Variants in ELP2 observed in about 807,000 individuals in gnomAD.
The protein encoded by ELP2 is elongator acetyltransferase complex subunit 2.
A neutral mutation model predicts 119.2 loss-of-function variants in ELP2; 90 were observed. The observed-to-expected ratio is 0.75, with a 90% confidence interval of 0.64 to 0.90. ELP2 has a LOEUF of 0.90. ELP2 is among the 40% of genes least tolerant of loss of function. The pLI, the probability that ELP2 is intolerant of heterozygous loss-of-function variation, is 0.00. For synonymous variants in ELP2, 339 were observed against 331.0 expected, an observed-to-expected ratio of 1.02 and a Z score of -0.26; for missense variants, 921 against 967.8, an observed-to-expected ratio of 0.95 and a Z score of 0.64.
At chr18:36,156,226 A>G (rs1454150954) in intron 12 of ELP2, among the ~76,000 whole-genome samples, 1 of 152,194 alleles carries the variant, frequency 6.6e-6, no homozygotes, top group African/African-American at 2.4e-5. Context: ...AAATAAATAG[A>G]GTTGAGAACA....
intron 13 of ELP2, among the ~76,000 whole-genome samples, chr18:36,157,313 A>C (rs2090603387): frequency 6.6e-6 from 1 of 152,196 alleles, no homozygotes; most frequent in East Asian, 1.9e-4. Context: ...ACAGTCCTTC[A>C]CTTAGAGTTG....
intron 6 of ELP2, 27 bp from the exon 7 acceptor site, chr18:36,142,254 C>G (rs948342546): frequency 1.3e-6 from 2 of 1,595,988 alleles, no homozygotes; most frequent in Non-Finnish European, 1.7e-6. Context: ...ATTCTTACAT[C>G]AAGCCCAATG....
intron 11 of ELP2, 106 bp from the exon 12 acceptor site, chr18:36,154,744 C>A: frequency 7.9e-7 from 1 of 1,267,502 alleles, no homozygotes; most frequent in Non-Finnish European, 1.1e-6. Context: ...CTTAGCTTTT[C>A]ACCTTGCCAG....
rs1278378176 is a variant in ELP2 at position 36,146,363 on chromosome 18, A to G, written c.1107A>G (p.Lys369=). The change falls in exon 11 of 22, where the codon AAA becomes AAG. Residue 369 remains lysine, a synonymous_variant. Transcript: ENST00000358232. ...TCCACGGAGCGTTGCACCTTTGGAA[A>G]CAGAATACAGTTAACCCAGTAAGAA... ...HAFHGALHLW[K]QNTVNPREWT... The G allele has an allele frequency of 6.2e-7, 1 of 1,614,106 alleles. No individual in the cohort carries two copies. Among genetic ancestry groups the G allele is most frequent in the Middle Eastern group, 1.7e-4 (1 of 6,060 alleles).
intron 1 of ELP2, among the ~76,000 whole-genome samples, chr18:36,132,367 G>A (rs1427396289): frequency 6.6e-6 from 1 of 152,184 alleles, no homozygotes; most frequent in East Asian, 1.9e-4. Flanking sequence ...TCTCAGTCTA[G>A]TGGGAGAGAC....
intron 4 of ELP2, 50 bp downstream of exon 4, chr18:36,138,476 A>G: frequency 6.3e-7 from 1 of 1,576,946 alleles, no homozygotes; most frequent in South Asian, 1.1e-5. Context: ...TATTTAACAA[A>G]TGAATGACGA....
In ELP2 at chr18:36,140,208, C is replaced by A. The variant is rs1434552639; in HGVS notation, c.524-929C>A. 2.0e-5 allele frequency among the ~76,000 whole-genome samples: 3 copies of A among 152,290 alleles called. No homozygotes were observed. The East Asian group carries it at 5.8e-4, about 29-fold the overall frequency. ...TGACACAGGGTCTCATTCTGTTGCC[C>A]AGGCTGGAGTGCAGTGGCGCCATCA... On this transcript the variant is annotated intron_variant, in intron 5 of 21. Transcript: ENST00000358232.
At position 36,174,721 on chromosome 18, in the gene ELP2, C is replaced by T. The variant is rs1378751214; in HGVS notation, c.*80C>T. 1.4e-6 allele frequency: 2 copies of T among 1,390,676 alleles called. No homozygotes were observed. The highest frequency in any genetic ancestry group is 2.0e-6 in the Non-Finnish European group (2 of 1,001,254). 86.1% of individuals were successfully genotyped at this position (1,390,676 alleles called of 1,614,324 possible). A position where few individuals can be genotyped will look rare whatever the true frequency, so the allele number is the denominator to read the frequency against. Reference sequence around the variant, plus strand: ...AAACAGGTCATCTTTACCTTCATAACTGAATTGAGTTTCTGGGTTTTTTTT... The same window carrying T: ...AAACAGGTCATCTTTACCTTCATAATTGAATTGAGTTTCTGGGTTTTTTTT... On this transcript the variant is annotated 3_prime_UTR_variant, in exon 22 of 22. Coordinates refer to ENST00000358232, the MANE Select transcript of ELP2 (RefSeq NM_018255.4).
At chr18:36,139,716 T>C (rs1598746803) in intron 5 of ELP2, 2 of 1,047,608 alleles carry the variant, frequency 1.9e-6, no homozygotes, top group African/African-American at 3.2e-5. Flanking sequence ...GGCATGTCCT[T>C]AGAAAAAGTC....
chr18:36,150,041 A>T lies in ELP2; in HGVS notation c.1125+3660A>T, dbSNP rs1260774229. Among the ~76,000 whole-genome samples the T allele has an allele frequency of 3.3e-5, 5 of 152,130 alleles. No homozygotes were observed. The East Asian group carries it at 9.7e-4, about 29-fold the overall frequency. On this transcript the variant is annotated intron_variant, in intron 11 of 21. Transcript: ENST00000358232. Reference sequence around the variant, plus strand: ...GTTGAGCATTTTCATCTTTCATTTGATAAGCAAAACCTACTACACAGTCAG... The same window carrying T: ...GTTGAGCATTTTCATCTTTCATTTGTTAAGCAAAACCTACTACACAGTCAG...
intron 21 of ELP2, among the ~76,000 whole-genome samples, chr18:36,174,086 A>G: frequency 6.6e-6 from 1 of 152,216 alleles, no homozygotes; most frequent in Non-Finnish European, 1.5e-5. Flanking sequence ...ATAGTAAAAT[A>G]ATCTAGAATA....
intron 21 of ELP2, among the ~76,000 whole-genome samples, chr18:36,172,795 G>A (rs548697437): frequency 1.1e-3 from 161 of 152,314 alleles, no homozygotes; most frequent in Middle Eastern, 6.8e-3. Context: ...AAGGGAACAC[G>A]TATAGAATTT....
intron 11 of ELP2, among the ~76,000 whole-genome samples, chr18:36,149,488 G>GTTTTTTTTT (rs71166097): frequency 1.6e-5 from 2 of 125,076 alleles, no homozygotes; most frequent in African/African-American, 2.9e-5. Flanking sequence ...GTTTTGTTTT[G>GTTTTTTTTT]TTTTTTTTTT....
intron 19 of ELP2, among the ~76,000 whole-genome samples, chr18:36,168,691 G>A (rs1297810010): frequency 6.6e-6 from 1 of 152,114 alleles, no homozygotes; most frequent in Non-Finnish European, 1.5e-5. Context: ...TACAATTCAA[G>A]ATGAGATTTG....
At chr18:36,131,678 C>T (rs1484009174) in intron 1 of ELP2, among the ~76,000 whole-genome samples, 1 of 152,184 alleles carries the variant, frequency 6.6e-6, no homozygotes, top group Non-Finnish European at 1.5e-5. Context: ...ACAAACTTGC[C>T]GCTATATCAC....
At chr18:36,134,283 G>A (rs973097170) in intron 2 of ELP2, among the ~76,000 whole-genome samples, 2 of 152,150 alleles carry the variant, frequency 1.3e-5, no homozygotes, top group Admixed American at 1.3e-4. Context: ...ATATCAAGAA[G>A]TTATTCACAG....
chr18:36,141,204 A>G lies in ELP2; in HGVS notation c.588+3A>G. The G allele has an allele frequency of 3.7e-6, 6 of 1,604,466 alleles. No individual in the cohort carries two copies. The highest frequency in any genetic ancestry group is 1.3e-5 in the African/African-American group (1 of 74,876). ...TATTTGCTCAACAAAATGATCAGGTAATAATGTTTATATTAAGAGGCTGGA... is the reference window on the plus strand; with the variant it reads ...TATTTGCTCAACAAAATGATCAGGTGATAATGTTTATATTAAGAGGCTGGA... On this transcript the variant is annotated splice_donor_region_variant and intron_variant, in intron 6 of 21. Transcript: ENST00000358232.
chr18:36,163,275 G>GGTGTGT (rs59728775), intron 17 of ELP2, among the ~76,000 whole-genome samples: 11 of 145,356 alleles, frequency 7.6e-5, no homozygotes, highest in African/African-American at 1.8e-4. Flanking sequence ...GTTCATGGGG[G>GGTGTGT]GTGTGTGTGT....
chr18:36,156,915 C>T (rs2090592548), intron 13 of ELP2, among the ~76,000 whole-genome samples: 1 of 152,128 alleles, frequency 6.6e-6, no homozygotes. Flanking sequence ...GATGTTTTAT[C>T]ACTGTGTTAG....
Sources: allele counts gnomAD v4.1 joint callset (sites outside exome capture counted in the v4.1 genomes callset), GRCh38; gene constraint gnomAD v4.1.1; transcripts MANE v1.5; gene names NCBI Gene and HGNC (gene_info 2026-07-23, HGNC 2026-07-21).